Variants in NLGN1 observed in about 807,000 individuals in gnomAD.
NLGN1 encodes the protein neuroligin-1.
In NLGN1, 12 loss-of-function variants were observed where a neutral mutation model predicts 65.5. The observed-to-expected ratio is 0.18, with a 90% CI of 0.12 to 0.30. The LOEUF is 0.30. Among genes scored for constraint, NLGN1 ranks in the 10% least tolerant of loss-of-function variants. The probability of loss-of-function intolerance (pLI) is 1.00; values close to 1 mark genes in which losing one functional copy is unlikely to be tolerated. For missense variants in NLGN1, 750 were observed against 1,007.1 expected, an observed-to-expected ratio of 0.74 and a Z score of 3.46; for synonymous variants, 350 against 359.5, an observed-to-expected ratio of 0.97 and a Z score of 0.30.
chr3:173,861,059 T>C (rs1728966163), intron 4 of NLGN1, among the ~76,000 whole-genome samples: 1 of 152,296 alleles, frequency 6.6e-6, no homozygotes, highest in South Asian at 2.1e-4. Context: ...TCACAGTGCA[T>C]GATTAATACT....
intron 3 of NLGN1, among the ~76,000 whole-genome samples, chr3:173,731,039 T>C (rs1185808774): frequency 1.3e-5 from 2 of 152,096 alleles, no homozygotes; most frequent in Non-Finnish European, 2.9e-5. Context: ...TTGGAGCGGC[T>C]CTGCAGAATA....
At chr3:174,219,274 C>T (rs1012703707) in intron 4 of NLGN1, among the ~76,000 whole-genome samples, 2 of 152,082 alleles carry the variant, frequency 1.3e-5, no homozygotes, top group Non-Finnish European at 1.5e-5. Flanking sequence ...TTTCAAGCCA[C>T]ATAAACTGGG....
At position 173,829,967 on chromosome 3, in the gene NLGN1, C is replaced by T. The variant is rs528146010; in HGVS notation, c.646+22135C>T. Among the ~76,000 whole-genome samples, 24 of 141,028 alleles carry T rather than the reference C, an allele frequency of 1.7e-4. 1 individual carries two copies. Among genetic ancestry groups the T allele is most frequent in the African/African-American group, 5.5e-4 (20 of 36,162 alleles). 92.5% of individuals were successfully genotyped at this position (141,028 alleles called of 152,430 possible). ...CTGTTGAGTGGTCATAATATTTGCC[C>T]GGTGACTTTGGGTAGGTTATAGAAT... On this transcript the variant is annotated intron_variant, in intron 4 of 6. Transcript: ENST00000457714.
chr3:174,032,303 A>T (rs148769790), intron 4 of NLGN1, among the ~76,000 whole-genome samples: 287 of 152,302 alleles, frequency 1.9e-3, no homozygotes, highest in African/African-American at 6.7e-3. Context: ...TTTTAAAAGG[A>T]TCTTAAAGTA....
At chr3:174,178,557 G>A (rs1419559834) in intron 4 of NLGN1, among the ~76,000 whole-genome samples, 2 of 152,128 alleles carry the variant, frequency 1.3e-5, no homozygotes, top group Non-Finnish European at 2.9e-5. Flanking sequence ...GCAATGGGAA[G>A]CCATAACTGA....
chr3:173,976,511 A>C (rs1281584552), intron 4 of NLGN1, among the ~76,000 whole-genome samples: 3 of 152,110 alleles, frequency 2.0e-5, no homozygotes, highest in African/African-American at 7.2e-5. Flanking sequence ...AGGTAATAGT[A>C]GAGCTGGAAC....
chr3:173,843,792 T>C (rs1474006440), intron 4 of NLGN1, among the ~76,000 whole-genome samples: 1 of 152,126 alleles, frequency 6.6e-6, no homozygotes, highest in Non-Finnish European at 1.5e-5. Flanking sequence ...TCTTCTGAGC[T>C]CTCCAAACTG....
chr3:174,179,349 A>G (rs1020470958), intron 4 of NLGN1, among the ~76,000 whole-genome samples: 2 of 152,108 alleles, frequency 1.3e-5, no homozygotes, highest in African/African-American at 4.8e-5. Flanking sequence ...TAGATAGGTA[A>G]AGTTGAATAT....
At chr3:174,024,169 C>T (rs914154543) in intron 4 of NLGN1, among the ~76,000 whole-genome samples, 8 of 131,856 alleles carry the variant, frequency 6.1e-5, no homozygotes, top group Admixed American at 1.5e-4. Context: ...AAAAAAAACA[C>T]GGGCTGGACC....
At position 173,967,111 on chromosome 3, in the gene NLGN1, A is replaced by G. The variant is rs149405837; in HGVS notation, c.646+159279A>G. Among the ~76,000 whole-genome samples the G allele has an allele frequency of 2.2e-3, 336 of 152,340 alleles. 1 individual carries two copies. Among genetic ancestry groups the G allele is most frequent in the African/African-American group, 7.5e-3 (313 of 41,588 alleles). On this transcript the variant is annotated intron_variant, in intron 4 of 6. Coordinates refer to ENST00000457714, the Ensembl canonical transcript of NLGN1. ...GTCAAGCTCACTGAAATTCAGATTT[A>G]CTGGGCTAGACATGTATGGAAGATG...
chr3:173,439,227 G>A (rs1328487678), intron 2 of NLGN1, among the ~76,000 whole-genome samples: 1 of 152,252 alleles, frequency 6.6e-6, no homozygotes, highest in Non-Finnish European at 1.5e-5. Context: ...TGTTCAAGAA[G>A]CACTGGTTTA....
At chr3:173,924,977 T>G (rs1742750806) in intron 4 of NLGN1, among the ~76,000 whole-genome samples, 1 of 152,184 alleles carries the variant, frequency 6.6e-6, no homozygotes, top group African/African-American at 2.4e-5. Context: ...AAACCAATTT[T>G]GAGTTTTTTG....
intron 2 of NLGN1, among the ~76,000 whole-genome samples, chr3:173,448,374 T>G (rs964455246): frequency 3.3e-5 from 5 of 152,180 alleles, no homozygotes; most frequent in South Asian, 2.1e-4. Context: ...TTATTGATTT[T>G]CATATGTTGA....
At chr3:173,483,902 T>C (rs1727720338) in intron 2 of NLGN1, among the ~76,000 whole-genome samples, 1 of 152,190 alleles carries the variant, frequency 6.6e-6, no homozygotes, top group Admixed American at 6.5e-5. Context: ...ATCTTTAATT[T>C]CATTAAACTT....
intron 2 of NLGN1, among the ~76,000 whole-genome samples, chr3:173,467,475 T>C (rs962341882): frequency 2.6e-5 from 4 of 152,150 alleles, no homozygotes; most frequent in Non-Finnish European, 5.9e-5. Context: ...CAAATTTTAG[T>C]GCAAATTGGT....
At chr3:173,929,314 C>G (rs1743610551) in intron 4 of NLGN1, among the ~76,000 whole-genome samples, 1 of 152,146 alleles carries the variant, frequency 6.6e-6, no homozygotes, top group African/African-American at 2.4e-5. Flanking sequence ...GGCTTACAAT[C>G]TGAGCACGAT....
intron 4 of NLGN1, among the ~76,000 whole-genome samples, chr3:174,154,348 C>A (rs777659407): frequency 6.6e-6 from 1 of 151,842 alleles, no homozygotes; most frequent in South Asian, 2.1e-4. Context: ...ATTGCATTTC[C>A]GTGGAAGAGA....
At chr3:173,778,450 C>T (rs1780643508) in intron 3 of NLGN1, among the ~76,000 whole-genome samples, 1 of 151,760 alleles carries the variant, frequency 6.6e-6, no homozygotes, top group African/African-American at 2.4e-5. Context: ...TTACAGATGG[C>T]TCTTGCTGGC....
intron 2 of NLGN1, chr3:173,584,584 G>A (rs1008675293): frequency 1.3e-5 from 2 of 151,836 alleles, no homozygotes; most frequent in South Asian, 4.2e-4. Context: ...ATTTCCAATC[G>A]AGATAAATCT....
Sources: allele counts gnomAD v4.1 joint callset (sites outside exome capture counted in the v4.1 genomes callset), GRCh38; gene constraint gnomAD v4.1.1; transcripts MANE v1.5; gene names NCBI Gene and HGNC (gene_info 2026-07-23, HGNC 2026-07-21).